CACNA2D4: variants seen among roughly 807,000 people sequenced by gnomAD.
CACNA2D4 encodes the protein voltage-dependent calcium channel subunit alpha-2/delta-4.
A neutral mutation model predicts 163.8 loss-of-function variants in CACNA2D4; 157 were observed. The ratio of observed to expected loss-of-function variants is 0.96; its 90% CI spans 0.84 to 1.09. The LOEUF (loss-of-function observed/expected upper bound fraction) is 1.09, where lower values mean the gene tolerates loss of function less well. CACNA2D4 is among the 50% of genes least tolerant of loss of function. The probability of loss-of-function intolerance (pLI) is 0.00; values close to 1 mark genes in which losing one functional copy is unlikely to be tolerated. For missense variants in CACNA2D4, 1,410 were observed against 1,479.9 expected (o/e 0.95, Z 0.78); for synonymous variants, 598 against 586.9 (o/e 1.02, Z -0.27).
rs761708784 is a variant in CACNA2D4 at position 1,918,288 on chromosome 12, G to A, written c.186C>T (p.Ser62=). ...TGGCCTGTCCCCACGCAGGGGACAG[G>A]GAGGTGCCTAGAAGCAGCAGCCACA... is the stretch of plus-strand genomic sequence containing the variant. ...ALLWLLLLGT[S]LSPAWGQAKI... is the part of the protein sequence containing the mutation. The change falls in exon 1 of 38, where the codon TCC becomes TCT. Residue 62 remains serine, a synonymous_variant. Coordinates refer to ENST00000382722, the MANE Select transcript of CACNA2D4 (RefSeq NM_172364.5). 6 of 1,610,710 alleles carry A rather than the reference G, an allele frequency of 3.7e-6. No individual in the cohort carries two copies. The Admixed American group carries it at 5.0e-5, about 14-fold the overall frequency.
At position 1,874,945 on chromosome 12, in the gene CACNA2D4, C is replaced by T. The variant is rs1017814763; in HGVS notation, c.1807-270G>A. Among the ~76,000 whole-genome samples, 3 of 152,250 alleles carry T rather than the reference C, an allele frequency of 2.0e-5. No individual in the cohort carries two copies. The highest frequency in any genetic ancestry group is 2.1e-4 in the South Asian group (1 of 4,824). ...TGCTGGGACATAATTTCCTCTAGGACGAGATATTGCAATCAAAAGCCAGGC... is the reference window on the plus strand; with the variant it reads ...TGCTGGGACATAATTTCCTCTAGGATGAGATATTGCAATCAAAAGCCAGGC... On this transcript the variant is annotated intron_variant, in intron 17 of 37. Coordinates refer to ENST00000382722, the MANE Select transcript of CACNA2D4 (RefSeq NM_172364.5). The surrounding 1 kb of genome is among the most constrained non-coding windows in gnomAD (Gnocchi z 4.4).
intron 26 of CACNA2D4, among the ~76,000 whole-genome samples, chr12:1,826,178 C>T (rs992290845): frequency 3.9e-5 from 6 of 152,094 alleles, no homozygotes; most frequent in African/African-American, 7.2e-5. Context: ...TGCTCCCTCA[C>T]GCCTGTACTG....
Position 1,812,811 on chromosome 12 carries a change from G to A in CACNA2D4, c.2552-1088C>T, listed in dbSNP as rs148902736. Among the ~76,000 whole-genome samples the A allele has an allele frequency of 2.2e-3, 329 of 152,184 alleles. 2 individuals are homozygous for A. The highest frequency in any genetic ancestry group is 7.4e-3 in the African/African-American group (306 of 41,510). On this transcript the variant is annotated intron_variant, in intron 26 of 37. Transcript: ENST00000382722. ...GTCCTGGTGATCGGGAAGGAGCGGC[G>A]GGCACAGGCAAGCCGCTGTCTGCTC... is the stretch of plus-strand genomic sequence containing the variant.
At chr12:1,811,806 C>T (rs949983374) in intron 26 of CACNA2D4, 83 bp from the exon 27 acceptor site, 3 of 1,346,278 alleles carry the variant, frequency 2.2e-6, no homozygotes, top group Non-Finnish European at 3.1e-6. Context: ...AGAGGAGGTG[C>T]TTCCGCAGGA....
intron 25 of CACNA2D4, among the ~76,000 whole-genome samples, chr12:1,842,757 TG>T (rs1321252602): frequency 1.3e-5 from 2 of 152,180 alleles, no homozygotes. Context: ...CAGGGGCCTG[TG>T]GGTGCCCTCC....
intron 26 of CACNA2D4, among the ~76,000 whole-genome samples, chr12:1,818,615 C>T (rs1344419024): frequency 2.0e-5 from 3 of 151,194 alleles, no homozygotes; most frequent in African/African-American, 7.4e-5. Context: ...TCTCAAGTAC[C>T]CAGGGACACA....
rs556245803 is a variant in CACNA2D4 at position 1,798,360 on chromosome 12, G to A, written c.2996-825C>T. On this transcript the variant is annotated intron_variant, in intron 34 of 37. Coordinates refer to ENST00000382722, the MANE Select transcript of CACNA2D4 (RefSeq NM_172364.5). This position sits in a 1 kb window ranked among gnomAD's most constrained non-coding sequence, Gnocchi z 4.3. ...ACCTAGAGGCAGGGAGCACAGGTGT[G>A]AGCTACCTTCCCAGGCTCATGCAGA... Among the ~76,000 whole-genome samples the A allele has an allele frequency of 1.3e-5, 2 of 152,252 alleles. No homozygotes were observed. The highest frequency in any genetic ancestry group is 1.3e-4 in the Admixed American group (2 of 15,306).
In CACNA2D4 at chr12:1,883,608, C is replaced by T. The variant is rs556626612; in HGVS notation, c.1352-608G>A. Among the ~76,000 whole-genome samples the T allele has an allele frequency of 6.6e-6, 1 of 152,284 alleles. No individual in the cohort carries two copies. Among genetic ancestry groups the T allele is most frequent in the Admixed American group, 6.5e-5 (1 of 15,304 alleles). On this transcript the variant is annotated intron_variant, in intron 12 of 37. Transcript: ENST00000382722. This position sits in a 1 kb window ranked among gnomAD's most constrained non-coding sequence, Gnocchi z 4.5. ...AGTGAGATGCAGCACCTCTCTGCTCCCAGCAGGTCTCAGACCCTTTCAGCA... is the reference window on the plus strand; with the variant it reads ...AGTGAGATGCAGCACCTCTCTGCTCTCAGCAGGTCTCAGACCCTTTCAGCA...
intron 20 of CACNA2D4, among the ~76,000 whole-genome samples, chr12:1,856,700 C>T (rs1865406742): frequency 6.6e-6 from 1 of 152,206 alleles, no homozygotes; most frequent in South Asian, 2.1e-4. Flanking sequence ...GCTTCATCCC[C>T]AGGATGGGCC....
chr12:1,825,662 G>A (rs1273176943), intron 26 of CACNA2D4, among the ~76,000 whole-genome samples: 3 of 152,246 alleles, frequency 2.0e-5, no homozygotes, highest in Non-Finnish European at 4.4e-5. Flanking sequence ...ACAGCTCTCT[G>A]TGGGTGTGTG....
intron 29 of CACNA2D4, among the ~76,000 whole-genome samples, chr12:1,805,640 G>C (rs1336434240): frequency 6.6e-6 from 1 of 152,182 alleles, no homozygotes. Flanking sequence ...GAGCGGGGTG[G>C]GGGTGGGGCA....
At chr12:1,810,630 A>G in intron 27 of CACNA2D4, 43 bp from the exon 28 acceptor site, 1 of 1,541,156 alleles carries the variant, frequency 6.5e-7, no homozygotes, top group Non-Finnish European at 8.8e-7. Flanking sequence ...CTGCATGTGT[A>G]GTAGAAATGG....
rs369847162 is a variant in CACNA2D4, at chr12:1,828,327, C to G, written c.2551+12412G>C. 7 of 949,910 alleles carry G rather than the reference C, an allele frequency of 7.4e-6. No homozygotes were observed. The highest frequency in any genetic ancestry group is 1.0e-5 in the Non-Finnish European group (7 of 667,276). 58.8% of individuals were successfully genotyped at this position (949,910 alleles called of 1,614,324 possible). ...CACACTCAGGCTGCAGGGAGGCCTACGCCAGATCTTCCTGGGGTACCCGAG... is the reference window on the plus strand; with the variant it reads ...CACACTCAGGCTGCAGGGAGGCCTAGGCCAGATCTTCCTGGGGTACCCGAG... On this transcript the variant is annotated intron_variant, in intron 26 of 37. Transcript: ENST00000382722. This position sits in a 1 kb window ranked among gnomAD's most constrained non-coding sequence, Gnocchi z 4.2.
chr12:1,816,636 G>A (rs76973439), intron 26 of CACNA2D4, among the ~76,000 whole-genome samples: 3,821 of 152,298 alleles, frequency 0.025, 75 homozygotes, highest in Non-Finnish European at 0.035. Context: ...CCTCAATAAG[G>A]CCAGACCCGC....
intron 18 of CACNA2D4, among the ~76,000 whole-genome samples, chr12:1,861,583 C>T (rs1865526062): frequency 1.3e-5 from 2 of 151,964 alleles, no homozygotes; most frequent in South Asian, 4.2e-4. Flanking sequence ...GCTGGGATTA[C>T]AGGCACACGC....
At chr12:1,821,460 C>T (rs1306946408) in intron 26 of CACNA2D4, among the ~76,000 whole-genome samples, 2 of 152,156 alleles carry the variant, frequency 1.3e-5, no homozygotes, top group East Asian at 1.9e-4. Flanking sequence ...TGGGAGTGGG[C>T]AGGAGAGAGA....
rs140122267 is a variant in CACNA2D4, at chr12:1,833,547, G to A, written c.2551+7192C>T. ...ACACCAGCCTCCTCTCCTTGGCCTCGTGTGCCTCCAGGATTCCCCCTCCAG... is the reference window on the plus strand; with the variant it reads ...ACACCAGCCTCCTCTCCTTGGCCTCATGTGCCTCCAGGATTCCCCCTCCAG... On this transcript the variant is annotated intron_variant, in intron 26 of 37. Coordinates refer to ENST00000382722, the MANE Select transcript of CACNA2D4 (RefSeq NM_172364.5). The surrounding 1 kb of genome is among the most constrained non-coding windows in gnomAD (Gnocchi z 4.2). Among the ~76,000 whole-genome samples, 12 of 152,278 alleles carry A rather than the reference G, an allele frequency of 7.9e-5. No individual in the cohort carries two copies. In the East Asian group the frequency reaches 1.9e-3, roughly 24 times the overall value.
chr12:1,831,683 G>A (rs941782697), intron 26 of CACNA2D4, among the ~76,000 whole-genome samples: 59 of 152,116 alleles, frequency 3.9e-4, no homozygotes, highest in African/African-American at 1.3e-3. Flanking sequence ...AAAGTCACAA[G>A]CCTCCCCTCA....
In CACNA2D4 at chr12:1,806,383, C is replaced by G. The variant is rs28567898; in HGVS notation, c.2721+3895G>C. ...GAGGCCAAATGTCTAATCAGCAGGC[C>G]TGGAACACCGCCGGTGCCAAGAAAG... On this transcript the variant is annotated intron_variant, in intron 29 of 37. Transcript: ENST00000382722. This position sits in a 1 kb window ranked among gnomAD's most constrained non-coding sequence, Gnocchi z 4.1. 0.01 allele frequency among the ~76,000 whole-genome samples: 1,572 copies of G among 152,256 alleles called. 35 individuals are homozygous for G. The highest frequency in any genetic ancestry group is 0.036 in the African/African-American group (1,503 of 41,526).
Sources: allele counts gnomAD v4.1 joint callset (sites outside exome capture counted in the v4.1 genomes callset), GRCh38; gene constraint gnomAD v4.1.1; non-coding constraint Gnocchi (gnomAD v3.1); transcripts MANE v1.5; gene names NCBI Gene and HGNC (gene_info 2026-07-23, HGNC 2026-07-21).